Variants in DUT observed in about 807,000 individuals in gnomAD.
DUT encodes the protein deoxyuridine 5'-triphosphate nucleotidohydrolase, mitochondrial.
In DUT, 21 loss-of-function variants were observed where a neutral mutation model predicts 28.8. That is an observed-to-expected ratio of 0.73 (90% CI 0.52 to 1.05). DUT has a LOEUF of 1.05. Among genes scored for constraint, DUT ranks in the 50% least tolerant of loss-of-function variants. DUT has a pLI of 0.00. For missense variants in DUT, 344 were observed against 351.8 expected (o/e 0.98, Z 0.18); for synonymous variants, 147 against 143.7 (o/e 1.02, Z -0.17).
chr15:48,341,260 T>C, intron 4 of DUT, 29 bp from the exon 5 acceptor site: 1 of 1,439,520 alleles, frequency 6.9e-7, no homozygotes, highest in Non-Finnish European at 9.5e-7. Context: ...TAGCAAAAAT[T>C]GAGATAATAT....
chr15:48,339,390 A>G (rs903981795), intron 4 of DUT, among the ~76,000 whole-genome samples: 1 of 152,184 alleles, frequency 6.6e-6, no homozygotes, highest in Non-Finnish European at 1.5e-5. Flanking sequence ...TCTCTAACTC[A>G]TTCAAGATAG....
Position 48,332,398 on chromosome 15 carries a change from C to T in DUT, c.411C>T (p.Asp137=), listed in dbSNP as rs1418654042. 3 of 1,573,130 alleles carry T rather than the reference C, an allele frequency of 1.9e-6. No individual in the cohort carries two copies. The highest frequency in any genetic ancestry group is 2.6e-6 in the Non-Finnish European group (3 of 1,163,430). Residue 137 remains aspartate (D), a synonymous_variant, in exon 2 of 7, where the codon GAC becomes GAT. Coordinates refer to ENST00000331200, the MANE Select transcript of DUT (RefSeq NM_001025248.2). ...TRGSARAAGY[D]LYSAYDYTIP... is the part of the protein sequence containing the mutation. ...GCTCCGCGCGCGCCGCGGGCTACGA[C>T]CTGTACAGGTGAGCGGGGACCTGCC...
Position 48,342,264 on chromosome 15 carries a change from AGTTTTTCTTTGTGTTTG to A in DUT, c.*188_*204del. ...AGATCATTAAAAAAAAACACAAAGA[AGTTTTTCTTTGTGTTTG>A]GATCAAAAAGAAACTTTGTTTTTCC... On this transcript the variant is annotated 3_prime_UTR_variant, in exon 7 of 7. Coordinates refer to ENST00000331200, the MANE Select transcript of DUT (RefSeq NM_001025248.2). 2.7e-6 allele frequency: 1 copy of A among 373,354 alleles called. No homozygotes were observed. Among genetic ancestry groups the A allele is most frequent in the Non-Finnish European group, 4.8e-6 (1 of 209,968 alleles). The allele number at this position is 373,354 out of a possible 1,614,324, so 23.1% of individuals were successfully genotyped here.
chr15:48,335,670 A>G (rs943629882), intron 3 of DUT, among the ~76,000 whole-genome samples: 1 of 151,986 alleles, frequency 6.6e-6, no homozygotes, highest in East Asian at 1.9e-4. Flanking sequence ...TGCTGGCCAT[A>G]CTTCTCTTTC....
In DUT at chr15:48,331,596, AGGCGCAC is replaced by A. The variant is rs2042410439; in HGVS notation, c.85_91del (p.Ala29ArgfsTer33). 1 of 1,576,142 alleles carries A rather than the reference AGGCGCAC, an allele frequency of 6.3e-7. No individual in the cohort carries two copies. The highest frequency in any genetic ancestry group is 1.8e-5 in the Admixed American group (1 of 54,352). On this transcript the variant is annotated frameshift_variant, in exon 1 of 7. Transcript: ENST00000331200. LOFTEE classifies it high-confidence loss of function. ...TTCGCTCAGCGATGCAAAACGCGCG[AGGCGCAC>A]GGCAGAGGGCCGAAGCCGCGGTACT... is the stretch of plus-strand genomic sequence containing the variant.
intron 4 of DUT, 78 bp downstream of exon 4, chr15:48,336,168 G>T (rs942121289): frequency 1.7e-5 from 21 of 1,225,678 alleles, no homozygotes; most frequent in Non-Finnish European, 2.2e-5. Context: ...TCAAATGACA[G>T]ATTTTATTTT....
chr15:48,339,959 T>C (rs1291280763), intron 4 of DUT, among the ~76,000 whole-genome samples: 4 of 152,168 alleles, frequency 2.6e-5, no homozygotes, highest in African/African-American at 7.2e-5. Context: ...CCCCATTATA[T>C]GAGAAAATTG....
intron 2 of DUT, among the ~76,000 whole-genome samples, 200 bp from the exon 3 acceptor site, chr15:48,334,217 A>C (rs1189956917): frequency 6.6e-6 from 1 of 152,204 alleles, no homozygotes; most frequent in African/African-American, 2.4e-5. Flanking sequence ...TCTTTTTAAT[A>C]ATAAAATAGC....
At position 48,342,122 on chromosome 15, in the gene DUT, T is replaced by TAAAA; in HGVS notation, c.*56_*59dup. Reference sequence around the variant, plus strand: ...AAAACAAGAAGTCATACCTTTTTCTTAAAAAAAAAAAAAAAGTTTTTGCTT... The same window carrying TAAAA: ...AAAACAAGAAGTCATACCTTTTTCTTAAAAAAAAAAAAAAAAAAAGTTTTTGCTT... On this transcript the variant is annotated 3_prime_UTR_variant, in exon 7 of 7. Coordinates refer to ENST00000331200, the MANE Select transcript of DUT (RefSeq NM_001025248.2). 6 of 1,109,444 alleles carry TAAAA rather than the reference T, an allele frequency of 5.4e-6. No homozygotes were observed. Among genetic ancestry groups the TAAAA allele is most frequent in the Admixed American group, 3.0e-5 (1 of 33,226 alleles). The allele number at this position is 1,109,444 out of a possible 1,614,324, so 68.7% of individuals were successfully genotyped here.
At chr15:48,336,877 C>T (rs562237007) in intron 4 of DUT, among the ~76,000 whole-genome samples, 1 of 152,254 alleles carries the variant, frequency 6.6e-6, no homozygotes, top group Admixed American at 6.5e-5. Flanking sequence ...GAAATGAGCC[C>T]ACATGGATAT....
chr15:48,334,639 G>A (rs1464938214), intron 3 of DUT, 131 bp downstream of exon 3: 1 of 564,150 alleles, frequency 1.8e-6, no homozygotes, highest in Non-Finnish European at 3.2e-6. Flanking sequence ...ATTTGTGATA[G>A]CAAATGCACT....
intron 2 of DUT, among the ~76,000 whole-genome samples, chr15:48,333,722 A>G (rs1034618831): frequency 6.6e-6 from 1 of 152,208 alleles, no homozygotes; most frequent in Non-Finnish European, 1.5e-5. Context: ...AGCAAGGTCC[A>G]TCTCCAGGGG....
Position 48,336,068 on chromosome 15 carries a change from A to C in DUT, c.534A>C (p.Ala178=). The C allele has an allele frequency of 1.2e-6, 2 of 1,604,334 alleles. No homozygotes were observed. Among genetic ancestry groups the C allele is most frequent in the Non-Finnish European group, 1.7e-6 (2 of 1,177,760 alleles). Residue 178 remains alanine, a synonymous_variant, in exon 4 of 7, where the codon GCA becomes GCC. Transcript: ENST00000331200. ...TAGCTCCACGGTCAGGCTTGGCTGC[A>C]AAACACTTTATTGATGTAGGAGGTA... is the stretch of plus-strand genomic sequence containing the variant. The part of the protein sequence containing the change: ...GRVAPRSGLA[A]KHFIDVGAGV...
chr15:48,331,898 G>T (rs1363372577), intron 1 of DUT, 103 bp downstream of exon 1: 1 of 765,996 alleles, frequency 1.3e-6, no homozygotes, highest in East Asian at 3.5e-5. Flanking sequence ...CGCGCGGGGG[G>T]CGGGGGGGGT....
chr15:48,335,290 G>T (rs1055135269), intron 3 of DUT, among the ~76,000 whole-genome samples: 1 of 152,202 alleles, frequency 6.6e-6, no homozygotes, highest in Non-Finnish European at 1.5e-5. Context: ...AATGCTGGAA[G>T]TTAGGATAAT....
chr15:48,331,746 C>T lies in DUT; in HGVS notation c.231C>T (p.Gly77=), dbSNP rs1222612969. ...CRGASTVGAA[G]WKGELPKAGG... ...GAGCCAGTACAGTCGGGGCCGCTGG[C>T]TGGAAGGGCGAGCTTCCTAAGGCGG... Residue 77 remains glycine (G), a synonymous_variant, in exon 1 of 7, where the codon GGC becomes GGT. Coordinates refer to ENST00000331200, the MANE Select transcript of DUT (RefSeq NM_001025248.2). 2.8e-6 allele frequency: 4 copies of T among 1,426,220 alleles called. No individual in the cohort carries two copies. In the South Asian group the frequency reaches 4.4e-5, roughly 16 times the overall value. 88.3% of individuals were successfully genotyped at this position (1,426,220 alleles called of 1,614,324 possible). A position where few individuals can be genotyped will look rare whatever the true frequency, so the allele number is the denominator to read the frequency against.
upstream of DUT, chr15:48,331,398 C>T: frequency 6.7e-7 from 1 of 1,498,320 alleles, no homozygotes; most frequent in South Asian, 1.3e-5. Flanking sequence ...GCCCCTCGTC[C>T]GGCGGCGGCT....
chr15:48,336,087 G>A lies in DUT; in HGVS notation c.553G>A (p.Gly185Arg). Reference protein sequence around the residue: ...GLAAKHFIDVGAGVIDEDYRG... With the variant: ...GLAAKHFIDVRAGVIDEDYRG... ...GGCTGCAAAACACTTTATTGATGTA[G>A]GAGGTAATATATTTCCTTTTTTATT... The change falls in exon 4 of 7, where the codon GGA becomes AGA. Residue 185 changes from glycine (G) to arginine (R), a missense_variant. Physicochemically the swap from Gly to Arg is moderately radical, Grantham distance 125 (BLOSUM62 -2). Transcript: ENST00000331200. 3 of 1,598,882 alleles carry A rather than the reference G, an allele frequency of 1.9e-6. No homozygotes were observed. The highest frequency in any genetic ancestry group is 2.6e-6 in the Non-Finnish European group (3 of 1,176,108).
At position 48,332,416 on chromosome 15, in the gene DUT, G is replaced by C. The variant is rs765086258; in HGVS notation, c.419+10G>C. The C allele has an allele frequency of 3.3e-6, 5 of 1,534,396 alleles. No individual in the cohort carries two copies. Among genetic ancestry groups the C allele is most frequent in the Non-Finnish European group, 4.4e-6 (5 of 1,147,624 alleles). ...GCTACGACCTGTACAGGTGAGCGGGGACCTGCCGGCGAGGAGGCTGGGAAG... is the reference window on the plus strand; with the variant it reads ...GCTACGACCTGTACAGGTGAGCGGGCACCTGCCGGCGAGGAGGCTGGGAAG... On this transcript the variant is annotated intron_variant, in intron 2 of 6. Transcript: ENST00000331200.
Sources: allele counts gnomAD v4.1 joint callset (sites outside exome capture counted in the v4.1 genomes callset), GRCh38; gene constraint gnomAD v4.1.1; transcripts MANE v1.5; gene names NCBI Gene and HGNC (gene_info 2026-07-23, HGNC 2026-07-21).